PPP2R5B: variants seen among roughly 807,000 people sequenced by gnomAD.
PPP2R5B encodes the protein protein phosphatase 2 regulatory subunit B'beta, also known as serine/threonine-protein phosphatase 2A 56 kDa regulatory subunit beta isoform.
In PPP2R5B, 19 loss-of-function variants were observed where a neutral mutation model predicts 59.9. The ratio of observed to expected loss-of-function variants is 0.32; its 90% CI spans 0.22 to 0.47. The LOEUF (loss-of-function observed/expected upper bound fraction) is 0.47, where lower values mean the gene tolerates loss of function less well. Among genes scored for constraint, PPP2R5B ranks in the 20% least tolerant of loss-of-function variants. The pLI is 1.00. For synonymous variants in PPP2R5B, 286 were observed against 260.5 expected (o/e 1.10, Z -0.94); for missense variants, 441 against 640.2 (o/e 0.69, Z 3.36).
At chr11:64,927,042 C>CG (rs1410701808) in intron 3 of PPP2R5B, 134 bp downstream of exon 3, 7 of 1,060,782 alleles carry the variant, frequency 6.6e-6, no homozygotes, top group Admixed American at 2.4e-5. Flanking sequence ...TTCCTTCCCC[C>CG]CGACCTGCTG....
chr11:64,928,358 C>A lies in PPP2R5B; in HGVS notation c.655C>A (p.Arg219=), dbSNP rs748344083. The A allele has an allele frequency of 1.2e-6, 2 of 1,614,216 alleles. No homozygotes were observed. Among genetic ancestry groups the A allele is most frequent in the South Asian group, 2.2e-5 (2 of 91,086 alleles). The change falls in exon 6 of 14, where the codon CGG becomes AGG. Residue 219 remains arginine, a synonymous_variant. Coordinates refer to ENST00000164133, the MANE Select transcript of PPP2R5B (RefSeq NM_006244.4). ...TGAGTACCTCAAGACCATCCTGCACCGGGTCTATGGCAAGTTCCTGGGTCT... is the reference window on the plus strand; with the variant it reads ...TGAGTACCTCAAGACCATCCTGCACAGGGTCTATGGCAAGTTCCTGGGTCT... ...EREYLKTILH[R]VYGKFLGLRA...
At position 64,933,868 on chromosome 11, in the gene PPP2R5B, C is replaced by T. The variant is rs757203614; in HGVS notation, c.*24C>T. ...AGACAGCACCTCAGAAGGGGAAAAGCTAAACCCAGAGCTGTCAGTCCCTCT... is the reference window on the plus strand; with the variant it reads ...AGACAGCACCTCAGAAGGGGAAAAGTTAAACCCAGAGCTGTCAGTCCCTCT... On this transcript the variant is annotated 3_prime_UTR_variant, in exon 14 of 14. Coordinates refer to ENST00000164133, the MANE Select transcript of PPP2R5B (RefSeq NM_006244.4). 167 of 1,500,658 alleles carry T rather than the reference C, an allele frequency of 1.1e-4. No individual in the cohort carries two copies. Among genetic ancestry groups the T allele is most frequent in the Admixed American group, 4.1e-4 (17 of 41,410 alleles). 93.0% of individuals were successfully genotyped at this position (1,500,658 alleles called of 1,614,324 possible).
intron 2 of PPP2R5B, 132 bp downstream of exon 2, chr11:64,926,065 C>T (rs916304755): frequency 1.1e-6 from 1 of 928,696 alleles, no homozygotes; most frequent in Non-Finnish European, 1.6e-6. Context: ...GGTTCTCCGC[C>T]ATCAGAACTG....
intron 2 of PPP2R5B, 71 bp from the exon 3 acceptor site, chr11:64,926,641 G>T: frequency 6.5e-7 from 1 of 1,547,570 alleles, no homozygotes; most frequent in Non-Finnish European, 8.8e-7. Flanking sequence ...GATTAGGAGG[G>T]TCTGCCCCAC....
chr11:64,925,847 G>C lies in PPP2R5B; in HGVS notation c.113G>C (p.Arg38Thr). The C allele has an allele frequency of 6.2e-7, 1 of 1,610,672 alleles. No individual in the cohort carries two copies. The highest frequency in any genetic ancestry group is 8.5e-7 in the Non-Finnish European group (1 of 1,179,642). The change falls in exon 2 of 14, where the codon AGA becomes ACA. Residue 38 changes from arginine (R) to threonine (T), a missense_variant. Coordinates refer to ENST00000164133, the MANE Select transcript of PPP2R5B (RefSeq NM_006244.4). This position sits in a 1 kb window ranked among gnomAD's most constrained non-coding sequence, Gnocchi z 4.6. ...GGCTTCTCCCGCCGTTCCCTCCGCA[G>C]AGCCCGGCCCCGCCGCTCCCACAGC... ...VDGFSRRSLR[R>T]ARPRRSHSSS...
At chr11:64,924,492 G>A (rs1450002166), upstream of PPP2R5B, 1 of 116,340 alleles carries the variant, frequency 8.6e-6, no homozygotes, top group Non-Finnish European at 2.4e-5. Context: ...CCCGGCTAGA[G>A]CCCATCCCAC....
At position 64,925,699 on chromosome 11, in the gene PPP2R5B, C is replaced by CG; in HGVS notation, c.-32dup. 7.1e-7 allele frequency: 1 copy of CG among 1,410,302 alleles called. No individual in the cohort carries two copies. Among genetic ancestry groups the CG allele is most frequent in the Non-Finnish European group, 9.9e-7 (1 of 1,012,138 alleles). The allele number at this position is 1,410,302 out of a possible 1,614,324, so 87.4% of individuals were successfully genotyped here. On this transcript the variant is annotated 5_prime_UTR_variant, in exon 2 of 14. Coordinates refer to ENST00000164133, the MANE Select transcript of PPP2R5B (RefSeq NM_006244.4). The surrounding 1 kb of genome is among the most constrained non-coding windows in gnomAD (Gnocchi z 4.6). ...ACCTCCCAGGCCCAGAGAGAACCCCCGGGGCTCTGAAAGCTTGCCCTGCCG... is the reference window on the plus strand; with the variant it reads ...ACCTCCCAGGCCCAGAGAGAACCCCCGGGGGCTCTGAAAGCTTGCCCTGCCG...
chr11:64,930,655 G>A (rs1945219563), intron 8 of PPP2R5B, 66 bp downstream of exon 8: 2 of 1,351,628 alleles, frequency 1.5e-6, no homozygotes, highest in Admixed American at 1.7e-5. Context: ...AGTGGGTCCT[G>A]GAGGTCAGAT....
At position 64,928,097 on chromosome 11, in the gene PPP2R5B, A is replaced by C. The variant is rs898688637; in HGVS notation, c.530A>C (p.Glu177Ala). ...LVYEFFLRFL[E>A]SPDFQPSVAK... ...TATGAGTTTTTCCTGCGTTTCTTGG[A>C]GAGCCCAGACTTCCAGCCCTCCGTG... The change falls in exon 5 of 14, where the codon GAG (glutamate) becomes GCG (alanine). Residue 177 changes from glutamate to alanine, a missense_variant. By Grantham distance (107) the Glu-to-Ala change is moderately radical. Around this residue, in one of 3 missense-constraint regions of PPP2R5B, gnomAD observed 268 missense variants for 488.1 expected, o/e 0.55. Transcript: ENST00000164133. 2 of 1,614,176 alleles carry C rather than the reference A, an allele frequency of 1.2e-6. No individual in the cohort carries two copies. Among genetic ancestry groups the C allele is most frequent in the Non-Finnish European group, 1.7e-6 (2 of 1,180,032 alleles).
At chr11:64,933,272 G>A (rs766881164) in intron 13 of PPP2R5B, 26 bp downstream of exon 13, 1 of 1,563,174 alleles carries the variant, frequency 6.4e-7, no homozygotes, top group East Asian at 2.2e-5. Context: ...TGGGCGTGGG[G>A]GAAGGGAGAA....
In PPP2R5B at chr11:64,925,785, C is replaced by G. The variant is rs376524488; in HGVS notation, c.51C>G (p.Pro17=). ...GCACCCCCACTAGCCCCTCCTCCCC[C>G]GGGCTGTCGCCTGTGCCCCCACCCG... ...PASTPTSPSS[P]GLSPVPPPDK... is the part of the protein sequence containing the mutation. Residue 17 remains proline (P), a synonymous_variant, in exon 2 of 14, where the codon CCC becomes CCG. Coordinates refer to ENST00000164133, the MANE Select transcript of PPP2R5B (RefSeq NM_006244.4). The surrounding 1 kb of genome is among the most constrained non-coding windows in gnomAD (Gnocchi z 4.6). 39 of 1,588,496 alleles carry G rather than the reference C, an allele frequency of 2.5e-5. No individual in the cohort carries two copies. The highest frequency in any genetic ancestry group is 4.0e-4 in the Middle Eastern group (2 of 4,996).
At chr11:64,923,713 C>G (rs1945130258), upstream of PPP2R5B, among the ~76,000 whole-genome samples, 1 of 152,304 alleles carries the variant, frequency 6.6e-6, no homozygotes, top group Middle Eastern at 3.4e-3. Context: ...AGTCCCCTCC[C>G]CGACCTCATT....
At chr11:64,930,252 G>A in intron 6 of PPP2R5B, 70 bp from the exon 7 acceptor site, 8 of 1,544,022 alleles carry the variant, frequency 5.2e-6, no homozygotes, top group Non-Finnish European at 6.3e-6. Context: ...AGGGTGGGCA[G>A]GCAGGATGCC....
Position 64,925,593 on chromosome 11 carries a change from G to A in PPP2R5B, c.-142G>A, listed in dbSNP as rs1015387985. 2 of 570,154 alleles carry A rather than the reference G, an allele frequency of 3.5e-6. No individual in the cohort carries two copies. The highest frequency in any genetic ancestry group is 6.3e-6 in the Non-Finnish European group (2 of 318,738). 35.3% of individuals were successfully genotyped at this position (570,154 alleles called of 1,614,324 possible). On this transcript the variant is annotated 5_prime_UTR_variant, in exon 2 of 14. Transcript: ENST00000164133. This position sits in a 1 kb window ranked among gnomAD's most constrained non-coding sequence, Gnocchi z 4.6. Reference sequence around the variant, plus strand: ...GGGCAGTTGCAGGAGGCCCTGGGGGGGGGCCCAGGACTGTGGTTGTGCCCC... The same window carrying A: ...GGGCAGTTGCAGGAGGCCCTGGGGGAGGGCCCAGGACTGTGGTTGTGCCCC...
chr11:64,923,299 TCCTCTCTAGGC>T (rs2136674967), upstream of PPP2R5B, among the ~76,000 whole-genome samples: 1 of 152,304 alleles, frequency 6.6e-6, no homozygotes, highest in South Asian at 2.1e-4. Context: ...AAGGCGCTTC[TCCTCTCTAGGC>T]CTTGGGGTCC....
Position 64,926,861 on chromosome 11 carries a change from A to T in PPP2R5B, c.349A>T (p.Thr117Ser). 1 of 1,614,052 alleles carries T rather than the reference A, an allele frequency of 6.2e-7. No individual in the cohort carries two copies. Among genetic ancestry groups the T allele is most frequent in the Non-Finnish European group, 8.5e-7 (1 of 1,179,988 alleles). ...LNELVECVGS[T>S]RGVLIEPVYP... ...CGAGCTGGTGGAGTGTGTGGGGAGCACCCGGGGTGTCCTCATCGAGCCCGT... is the reference window on the plus strand; with the variant it reads ...CGAGCTGGTGGAGTGTGTGGGGAGCTCCCGGGGTGTCCTCATCGAGCCCGT... Residue 117 changes from threonine to serine, a missense_variant, in exon 3 of 14, where the codon ACC becomes TCC. Physicochemically the swap from Thr to Ser is moderately conservative, Grantham distance 58. Transcript: ENST00000164133.
At chr11:64,920,984 C>T (rs1175927136), upstream of PPP2R5B, among the ~76,000 whole-genome samples, 2 of 135,494 alleles carry the variant, frequency 1.5e-5, no homozygotes, top group South Asian at 2.5e-4. Context: ...TGAGCCAGTA[C>T]CTCATTCTTG....
chr11:64,931,504 G>T lies in PPP2R5B; in HGVS notation c.945+15G>T. On this transcript the variant is annotated intron_variant, in intron 9 of 13. Coordinates refer to ENST00000164133, the MANE Select transcript of PPP2R5B (RefSeq NM_006244.4). The surrounding 1 kb of genome is among the most constrained non-coding windows in gnomAD (Gnocchi z 5.0). ...TGACAGAGCACGTGAGTACCTCTGG[G>T]GGCTAAGGCAGCCTCTCACCTCTGC... The T allele has an allele frequency of 6.2e-7, 1 of 1,614,068 alleles. No homozygotes were observed. The highest frequency in any genetic ancestry group is 1.1e-5 in the South Asian group (1 of 91,074).
chr11:64,929,851 A>G (rs1167454951), intron 6 of PPP2R5B, among the ~76,000 whole-genome samples: 1 of 152,154 alleles, frequency 6.6e-6, no homozygotes, highest in Non-Finnish European at 1.5e-5. Flanking sequence ...CTGAAACATT[A>G]GTTGTTATTA....
Sources: allele counts gnomAD v4.1 joint callset (sites outside exome capture counted in the v4.1 genomes callset), GRCh38; gene constraint gnomAD v4.1.1; regional missense constraint gnomAD v4.1.1; non-coding constraint Gnocchi (gnomAD v3.1); transcripts MANE v1.5; gene names NCBI Gene and HGNC (gene_info 2026-07-23, HGNC 2026-07-21).